The following CCDC144A variants were observed in gnomAD, a reference collection of about 807,000 sequenced individuals.
CCDC144A encodes the protein coiled-coil domain containing 144A.
In CCDC144A, 41 loss-of-function variants were observed where a neutral mutation model predicts 143.8. The ratio of observed to expected loss-of-function variants is 0.29; its 90% CI spans 0.22 to 0.37. CCDC144A has a LOEUF of 0.37. Among genes scored for constraint, CCDC144A ranks in the 10% least tolerant of loss-of-function variants. The pLI, the probability that CCDC144A is intolerant of heterozygous loss-of-function variation, is 1.00. For missense variants in CCDC144A, 637 were observed against 1,488.8 expected (o/e 0.43, Z 9.41); for synonymous variants, 242 against 517.9 (o/e 0.47, Z 7.23).
the CCDC144A span, among the ~76,000 whole-genome samples, chr17:16,670,132 G>C: frequency 1.3e-5 from 2 of 151,778 alleles, no homozygotes; most frequent in Admixed American, 1.3e-4. Flanking sequence ...AGTGAGCTGA[G>C]ATCACGCCAC....
chr17:16,751,271 T>C (rs1395198621), intron 12 of CCDC144A, among the ~76,000 whole-genome samples: 4 of 152,188 alleles, frequency 2.6e-5, no homozygotes, highest in Non-Finnish European at 5.9e-5. Flanking sequence ...TTGGCCTTTT[T>C]TTCTGGGTGG....
chr17:16,669,845 AT>A, the CCDC144A span, among the ~76,000 whole-genome samples: 2 of 152,160 alleles, frequency 1.3e-5, no homozygotes, highest in Non-Finnish European at 2.9e-5. Flanking sequence ...GTTATCACTC[AT>A]TTTTTACCCT....
intron 12 of CCDC144A, among the ~76,000 whole-genome samples, chr17:16,745,201 A>G (rs1478354247): frequency 6.6e-6 from 1 of 151,380 alleles, no homozygotes; most frequent in Non-Finnish European, 1.5e-5. Context: ...ACTCGACACC[A>G]TGGCTCAGAG....
chr17:16,771,074 C>T (rs2688056), intron 15 of CCDC144A, among the ~76,000 whole-genome samples: 1 of 152,120 alleles, frequency 6.6e-6, no homozygotes, highest in Non-Finnish European at 1.5e-5. Flanking sequence ...TCTCAGACCC[C>T]GTTCTAGGCA....
In CCDC144A at chr17:16,727,890, A is replaced by G. The variant is rs1015047657; in HGVS notation, c.2105+150A>G. 24 of 351,506 alleles carry G rather than the reference A, an allele frequency of 6.8e-5. 2 individuals are homozygous for G. The highest frequency in any genetic ancestry group is 7.8e-5 in the Non-Finnish European group (14 of 180,020). 21.8% of individuals were successfully genotyped at this position (351,506 alleles called of 1,614,324 possible). A position where few individuals can be genotyped will look rare whatever the true frequency, so the allele number is the denominator to read the frequency against. On this transcript the variant is annotated intron_variant, in intron 9 of 16. Coordinates refer to ENST00000399273, the MANE Select transcript of CCDC144A (RefSeq NM_001382000.1). Reference sequence around the variant, plus strand: ...ATTCTTGGAAATAATAAAACAAATTATTAACTGTGAACTCTTCTAATAAAT... The same window carrying G: ...ATTCTTGGAAATAATAAAACAAATTGTTAACTGTGAACTCTTCTAATAAAT...
At chr17:16,746,255 A>G (rs1019276913) in intron 12 of CCDC144A, 26 of 1,191,246 alleles carry the variant, frequency 2.2e-5, no homozygotes, top group Admixed American at 3.0e-5. Flanking sequence ...TCTTCTGTTT[A>G]TCTGTCTCTC....
At chr17:16,685,781 T>C (rs991841417), upstream of CCDC144A, among the ~76,000 whole-genome samples, 3 of 152,060 alleles carry the variant, frequency 2.0e-5, no homozygotes, top group African/African-American at 7.2e-5. Flanking sequence ...TTTTTACTTA[T>C]TTATTTTGAG....
chr17:16,679,982 TA>T, the CCDC144A span, among the ~76,000 whole-genome samples: 2 of 152,160 alleles, frequency 1.3e-5, no homozygotes, highest in Admixed American at 1.3e-4. Flanking sequence ...ACAAAATATT[TA>T]TTTTTTTTAA....
chr17:16,735,890 C>CAGG (rs1256466725), intron 12 of CCDC144A, among the ~76,000 whole-genome samples: 1 of 146,096 alleles, frequency 6.8e-6, no homozygotes, highest in Non-Finnish European at 1.5e-5. Flanking sequence ...TAGGTACAGA[C>CAGG]TAATACTCAT....
At chr17:16,742,390 C>CT (rs1316182569) in intron 12 of CCDC144A, among the ~76,000 whole-genome samples, 3 of 152,084 alleles carry the variant, frequency 2.0e-5, no homozygotes, top group African/African-American at 4.8e-5. Flanking sequence ...TGATTTTATT[C>CT]TTTTTTTATG....
intron 12 of CCDC144A, among the ~76,000 whole-genome samples, chr17:16,760,213 C>T (rs1341471155): frequency 1.3e-5 from 2 of 151,324 alleles, no homozygotes; most frequent in African/African-American, 4.9e-5. Flanking sequence ...CCGGAGAAAC[C>T]GGTTGTCAAT....
chr17:16,683,783 A>ATGAAGCCGAGCG, the CCDC144A span: 440 of 1,471,536 alleles, frequency 3.0e-4, 3 homozygotes, highest in Middle Eastern at 9.6e-4. Context: ...ATGCAAGCAC[A>ATGAAGCCGAGCG]TGAAGCCGAG....
the CCDC144A span, chr17:16,683,875 C>T: frequency 3.4e-5 from 46 of 1,370,376 alleles, 1 homozygote; most frequent in Non-Finnish European, 3.4e-5. Flanking sequence ...GAGACTTCGT[C>T]GTCGTCTACG....
chr17:16,711,030 T>C (rs1468873313), intron 5 of CCDC144A, among the ~76,000 whole-genome samples: 1 of 146,238 alleles, frequency 6.8e-6, no homozygotes, highest in Non-Finnish European at 1.5e-5. Flanking sequence ...AGCATCTCAT[T>C]TCCAGAATTC....
chr17:16,772,706 T>G, intron 16 of CCDC144A: 1 of 1,613,310 alleles, frequency 6.2e-7, no homozygotes, highest in Non-Finnish European at 8.5e-7. Flanking sequence ...TTCTCATCCT[T>G]CAGGTATCCA....
chr17:16,757,699 G>T (rs1196135388), intron 12 of CCDC144A, among the ~76,000 whole-genome samples: 1 of 152,242 alleles, frequency 6.6e-6, no homozygotes, highest in Non-Finnish European at 1.5e-5. Flanking sequence ...CTAAAGGTAT[G>T]TACAGGTATG....
upstream of CCDC144A, among the ~76,000 whole-genome samples, chr17:16,688,613 C>T (rs544730807): frequency 1.8e-4 from 27 of 151,284 alleles, no homozygotes; most frequent in Admixed American, 4.6e-4. Context: ...CTCAGCCTCC[C>T]GAGTAGCTGG....
chr17:16,675,798 T>A, the CCDC144A span, among the ~76,000 whole-genome samples: 52,561 of 151,798 alleles, frequency 0.35, 10,416 homozygotes, highest in East Asian at 0.53. Context: ...GCTGGAGTGC[T>A]GTGGCCCCAT....
chr17:16,726,473 C>T (rs1211690033), intron 8 of CCDC144A, among the ~76,000 whole-genome samples: 1 of 149,764 alleles, frequency 6.7e-6, no homozygotes, highest in Admixed American at 6.6e-5. Context: ...CAGTTGAGTT[C>T]CATATGAACA....
Sources: allele counts gnomAD v4.1 joint callset (sites outside exome capture counted in the v4.1 genomes callset), GRCh38; gene constraint gnomAD v4.1.1; transcripts MANE v1.5; gene names NCBI Gene and HGNC (gene_info 2026-07-23, HGNC 2026-07-21).